MRTFB: variants seen among roughly 807,000 people sequenced by gnomAD.
MRTFB encodes myocardin related transcription factor B, also known as myocardin-related transcription factor B.
In MRTFB, 29 loss-of-function variants were observed where a neutral mutation model predicts 104.2. That is an observed-to-expected ratio of 0.28 (90% CI 0.21 to 0.38). The LOEUF is 0.38. Among genes scored for constraint, MRTFB ranks in the 10% least tolerant of loss-of-function variants. The pLI, the probability that MRTFB is intolerant of heterozygous loss-of-function variation, is 1.00. For synonymous variants in MRTFB, 535 were observed against 519.5 expected, an observed-to-expected ratio of 1.03 and a Z score of -0.41; for missense variants, 1,270 against 1,341.6, an observed-to-expected ratio of 0.95 and a Z score of 0.83.
chr16:14,163,833 C>CAA (rs71715684), intron 3 of MRTFB, among the ~76,000 whole-genome samples: 6 of 102,182 alleles, frequency 5.9e-5, no homozygotes, highest in South Asian at 3.5e-4. Flanking sequence ...AACTCTGTCT[C>CAA]AAAAAAAAAA....
intron 3 of MRTFB, among the ~76,000 whole-genome samples, chr16:14,190,467 G>C (rs990046967): frequency 1.3e-5 from 2 of 152,298 alleles, no homozygotes; most frequent in East Asian, 3.9e-4. Context: ...ATTCAGATAA[G>C]TGTTTTAATG....
the MRTFB span, among the ~76,000 whole-genome samples, chr16:14,033,835 CAAAAAAA>C: frequency 1.5e-4 from 14 of 90,458 alleles, no homozygotes; most frequent in East Asian, 3.9e-3. Context: ...GACTCAGTCT[CAAAAAAA>C]AAAAAAAAAA....
intron 3 of MRTFB, among the ~76,000 whole-genome samples, chr16:14,206,593 TG>T (rs1223130558): frequency 2.0e-5 from 3 of 152,260 alleles, no homozygotes; most frequent in African/African-American, 7.2e-5. Context: ...AGTCTCGCTC[TG>T]TTGCCCAGGC....
At position 14,164,677 on chromosome 16, in the gene MRTFB, A is replaced by G. The variant is rs151129386; in HGVS notation, c.154+23917A>G. ...CACTTGGTGCTTTTTGCATTGTCCC[A>G]TTTAATCCTCCCAGCAGTTTTGCAA... is the stretch of plus-strand genomic sequence containing the variant. On this transcript the variant is annotated intron_variant, in intron 3 of 16. Coordinates refer to ENST00000571589, the MANE Select transcript of MRTFB (RefSeq NM_001308142.2). Among the ~76,000 whole-genome samples, 339 of 152,306 alleles carry G rather than the reference A, an allele frequency of 2.2e-3. 3 individuals are homozygous for G. The highest frequency in any genetic ancestry group is 3.9e-3 in the Admixed American group (60 of 15,298).
intron 8 of MRTFB, among the ~76,000 whole-genome samples, chr16:14,224,008 T>C (rs1453873953): frequency 6.6e-6 from 1 of 152,164 alleles, no homozygotes; most frequent in Non-Finnish European, 1.5e-5. Flanking sequence ...ACAGGAGGCA[T>C]GGCTGGGGAG....
the MRTFB span, chr16:14,009,278 T>C: frequency 6.6e-6 from 1 of 152,158 alleles, no homozygotes; most frequent in African/African-American, 2.4e-5. Flanking sequence ...GATGCTCTTG[T>C]GAATGAATTT....
chr16:14,187,093 T>C, intron 3 of MRTFB: 3 of 1,409,302 alleles, frequency 2.1e-6, no homozygotes, highest in South Asian at 1.2e-5. Context: ...GTCAGCCAGC[T>C]GAGCGTGTCT....
At chr16:14,090,132 G>A (rs941777829) in intron 2 of MRTFB, among the ~76,000 whole-genome samples, 1 of 151,940 alleles carries the variant, frequency 6.6e-6, no homozygotes, top group African/African-American at 2.4e-5. Flanking sequence ...TGAAGCAAGT[G>A]GTGTTTTAAT....
At chr16:14,143,161 CTTTTTTTTTTT>C (rs58550641) in intron 3 of MRTFB, 3 of 102,216 alleles carry the variant, frequency 2.9e-5, no homozygotes, top group Non-Finnish European at 2.2e-5. Context: ...CTGAACATTT[CTTTTTTTTTTT>C]TTTTTTTCAT....
intron 2 of MRTFB, among the ~76,000 whole-genome samples, chr16:14,123,588 G>A (rs2036960972): frequency 1.3e-5 from 2 of 151,992 alleles, no homozygotes; most frequent in Non-Finnish European, 2.9e-5. Context: ...GTTGATGTAT[G>A]GTCTTATTTC....
intron 6 of MRTFB, among the ~76,000 whole-genome samples, chr16:14,216,352 A>G (rs1234390889): frequency 6.6e-6 from 1 of 152,262 alleles, no homozygotes; most frequent in Non-Finnish European, 1.5e-5. Context: ...TAGACACCAC[A>G]TCATTATTTT....
At chr16:14,025,777 A>C in the MRTFB span, among the ~76,000 whole-genome samples, 3 of 152,252 alleles carry the variant, frequency 2.0e-5, no homozygotes, top group South Asian at 6.2e-4. Context: ...ATAGCAAGCT[A>C]ACAGGATGCA....
intron 16 of MRTFB, among the ~76,000 whole-genome samples, chr16:14,259,929 C>G (rs1381310834): frequency 6.6e-6 from 1 of 152,200 alleles, no homozygotes; most frequent in Non-Finnish European, 1.5e-5. Flanking sequence ...AGTTCCTTCT[C>G]TCAGCCATTT....
intron 2 of MRTFB, among the ~76,000 whole-genome samples, chr16:14,129,634 A>G (rs2037338041): frequency 6.6e-6 from 1 of 152,186 alleles, no homozygotes; most frequent in African/African-American, 2.4e-5. Flanking sequence ...TGTTTTCCAA[A>G]GTAGTGTTTT....
At chr16:14,143,438 A>C (rs2038119628) in intron 3 of MRTFB, 1 of 151,684 alleles carries the variant, frequency 6.6e-6, no homozygotes, top group Admixed American at 6.6e-5. Flanking sequence ...TGAAGGATGG[A>C]GGTGCATGTT....
chr16:14,237,320 A>T (rs1374019333), intron 9 of MRTFB, among the ~76,000 whole-genome samples: 1 of 152,232 alleles, frequency 6.6e-6, no homozygotes, highest in African/African-American at 2.4e-5. Flanking sequence ...AACAGCTAGC[A>T]AGAGTGAGGC....
intron 3 of MRTFB, among the ~76,000 whole-genome samples, chr16:14,162,927 A>G (rs543082016): frequency 6.6e-6 from 1 of 152,362 alleles, no homozygotes; most frequent in South Asian, 2.1e-4. Context: ...TTAAATTTCA[A>G]TCTAACACCA....
At chr16:14,225,453 G>A (rs1029722491) in intron 8 of MRTFB, among the ~76,000 whole-genome samples, 3 of 152,086 alleles carry the variant, frequency 2.0e-5, no homozygotes, top group Non-Finnish European at 4.4e-5. Context: ...ATTCTAAGAT[G>A]TTATTTGTAA....
intron 2 of MRTFB, among the ~76,000 whole-genome samples, chr16:14,123,085 T>C (rs775159348): frequency 6.6e-6 from 1 of 152,260 alleles, no homozygotes; most frequent in Non-Finnish European, 1.5e-5. Context: ...TGCATAAATA[T>C]CTTCTTTTGA....
Sources: gnomAD v4.1 joint callset for allele counts (sites outside exome capture counted in the v4.1 genomes callset) on GRCh38, gnomAD v4.1.1 for gene constraint, MANE v1.5 for transcripts, NCBI Gene and HGNC (gene_info 2026-07-23, HGNC 2026-07-21) for gene names.